Variants in RTL9 observed in about 807,000 individuals in gnomAD.
RTL9 encodes retrotransposon Gag-like protein 9.
RTL9 carries 19 observed loss-of-function variants against 44.7 expected under a neutral mutation model. The observed-to-expected ratio is 0.42, with a 90% CI of 0.30 to 0.62. The LOEUF (loss-of-function observed/expected upper bound fraction) is 0.62, where lower values mean the gene tolerates loss of function less well. RTL9 is among the 20% of genes least tolerant of loss of function. The pLI is 0.16. For missense variants in RTL9, 1,105 were observed against 1,080.6 expected, an observed-to-expected ratio of 1.02 and a Z score of -0.32; for synonymous variants, 407 against 398.9, an observed-to-expected ratio of 1.02 and a Z score of -0.24.
At chrX:110,449,445 G>T (rs1254407055), upstream of RTL9, among the ~76,000 whole-genome samples, 1 of 112,638 alleles carries the variant, frequency 8.9e-6, no homozygotes, top group Non-Finnish European at 1.9e-5. Context: ...AAAGTAGCAA[G>T]TTTTCTGCTT....
chrX:110,385,976 C>G lies in RTL9; in HGVS notation c.-168+27060C>G, dbSNP rs2068452338. Among the ~76,000 whole-genome samples the G allele has an allele frequency of 3.6e-5, 4 of 112,329 alleles. No homozygotes were observed. The South Asian group carries it at 1.5e-3, about 42-fold the overall frequency. ...ATCAGAGCTTACTTCCTTTTTAAGGCTGAATAATAGTTCATTATATGAATA... is the reference window on the plus strand; with the variant it reads ...ATCAGAGCTTACTTCCTTTTTAAGGGTGAATAATAGTTCATTATATGAATA... On this transcript the variant is annotated intron_variant, in intron 1 of 2. Transcript: ENST00000520821.
At chrX:110,419,724 T>G (rs2068703562) in intron 1 of RTL9, among the ~76,000 whole-genome samples, 1 of 111,867 alleles carries the variant, frequency 8.9e-6, no homozygotes, top group African/African-American at 3.3e-5. Context: ...TGTCATTCCA[T>G]AGGAAAAAAA....
chrX:110,403,142 C>T (rs1370308716), intron 1 of RTL9, among the ~76,000 whole-genome samples: 2 of 111,390 alleles, frequency 1.8e-5, no homozygotes, highest in Admixed American at 1.9e-4. Flanking sequence ...GCTTTCCCTG[C>T]CCCTGTTCTT....
intron 1 of RTL9, among the ~76,000 whole-genome samples, chrX:110,426,485 A>G (rs974392835): frequency 2.7e-5 from 3 of 111,939 alleles, no homozygotes; most frequent in Non-Finnish European, 5.6e-5. Context: ...ATCTATGTAG[A>G]ATGAATTATT....
chrX:110,402,148 G>A (rs1402277852), intron 1 of RTL9, among the ~76,000 whole-genome samples: 4 of 112,721 alleles, frequency 3.5e-5, no homozygotes, highest in African/African-American at 1.3e-4. Context: ...TCGGAAAACA[G>A]AGTGAAACAG....
At chrX:110,452,325 A>G in exon 1 of RTL9, 1 of 1,210,811 alleles carries the variant, frequency 8.3e-7, no homozygotes, top group Non-Finnish European at 1.1e-6. Context: ...GATGAAAGCC[A>G]TGACTTCTGG....
chrX:110,368,909 C>T lies in RTL9; in HGVS notation c.-168+9993C>T, dbSNP rs149373776. ...GATATCCTTCATCATCTGCAGCAATCCCCCACCCAGTGCCAAACTCTGTGA... is the reference window on the plus strand; with the variant it reads ...GATATCCTTCATCATCTGCAGCAATTCCCCACCCAGTGCCAAACTCTGTGA... On this transcript the variant is annotated intron_variant, in intron 1 of 2. Coordinates refer to the RTL9 transcript ENST00000520821. Among the ~76,000 whole-genome samples the T allele has an allele frequency of 9.5e-3, 1,063 of 111,959 alleles. 3 individuals are homozygous for T. The highest frequency in any genetic ancestry group is 0.013 in the Non-Finnish European group (698 of 53,170).
intron 1 of RTL9, among the ~76,000 whole-genome samples, chrX:110,403,069 C>T (rs1228353056): frequency 9.0e-6 from 1 of 111,276 alleles, no homozygotes. Flanking sequence ...CTTTCTTTAT[C>T]ACTTGCTAGG....
At chrX:110,454,071 T>C (rs1324833194) in exon 1 of RTL9, 3 of 1,210,212 alleles carry the variant, frequency 2.5e-6, no homozygotes, top group Non-Finnish European at 2.2e-6. Flanking sequence ...CTGCTACCTC[T>C]TAGAAGAGCA....
At chrX:110,444,876 T>C (rs972036961) in intron 1 of RTL9, among the ~76,000 whole-genome samples, 2 of 112,483 alleles carry the variant, frequency 1.8e-5, no homozygotes, top group African/African-American at 6.5e-5. Context: ...GGTCTGTAGT[T>C]TCCTTATTTA....
exon 1 of RTL9, chrX:110,454,248 C>A (rs1392938308): frequency 4.1e-6 from 5 of 1,210,287 alleles, no homozygotes; most frequent in Non-Finnish European, 4.5e-6. Context: ...AGGAGAACCT[C>A]TCTCACATGA....
intron 1 of RTL9, among the ~76,000 whole-genome samples, chrX:110,365,007 T>C (rs1030975168): frequency 8.9e-6 from 1 of 111,823 alleles, no homozygotes; most frequent in Non-Finnish European, 1.9e-5. Context: ...CTAGAAACAG[T>C]AGGGACTTCC....
At chrX:110,428,682 T>C (rs966392936) in intron 1 of RTL9, among the ~76,000 whole-genome samples, 1 of 110,992 alleles carries the variant, frequency 9.0e-6, no homozygotes, top group African/African-American at 3.3e-5. Flanking sequence ...TCATTCCTCA[T>C]TGTCTGCAGG....
upstream of RTL9, chrX:110,450,511 T>G (rs909875428): frequency 3.2e-5 from 22 of 687,414 alleles, no homozygotes; most frequent in Middle Eastern, 5.1e-4. Context: ...AATTTGTCTG[T>G]TTCCAAATCT....
intron 1 of RTL9, among the ~76,000 whole-genome samples, chrX:110,413,627 C>T: frequency 9.4e-6 from 1 of 106,237 alleles, no homozygotes; most frequent in South Asian, 4.5e-4. Flanking sequence ...GATCCATGTA[C>T]AGGACACACT....
At chrX:110,359,176 G>C (rs1387520990) in intron 1 of RTL9, among the ~76,000 whole-genome samples, 1 of 111,332 alleles carries the variant, frequency 9.0e-6, no homozygotes, top group Non-Finnish European at 1.9e-5. Flanking sequence ...TCTGGATCTA[G>C]TGGCTGTGTT....
intron 1 of RTL9, among the ~76,000 whole-genome samples, chrX:110,429,381 T>C (rs1357319527): frequency 1.8e-5 from 2 of 111,625 alleles, no homozygotes; most frequent in Non-Finnish European, 3.8e-5. Flanking sequence ...AATCCCTCAT[T>C]ATTAGCTATG....
intron 1 of RTL9, among the ~76,000 whole-genome samples, chrX:110,427,635 A>T (rs1271491388): frequency 1.8e-5 from 2 of 111,925 alleles, no homozygotes; most frequent in Admixed American, 1.9e-4. Flanking sequence ...AGTCATAAGT[A>T]TTGTTTTTAA....
At chrX:110,399,144 A>G (rs771028682) in intron 1 of RTL9, among the ~76,000 whole-genome samples, 1 of 112,294 alleles carries the variant, frequency 8.9e-6, no homozygotes, top group South Asian at 3.7e-4. Flanking sequence ...CAACAATAAT[A>G]TAATACAGTG....
Sources: gnomAD v4.1 joint callset for allele counts (sites outside exome capture counted in the v4.1 genomes callset) on GRCh38, gnomAD v4.1.1 for gene constraint, MANE v1.5 for transcripts, NCBI Gene and HGNC (gene_info 2026-07-23, HGNC 2026-07-21) for gene names.